Variants in NTN4 observed in about 807,000 individuals in gnomAD.
NTN4 encodes the protein netrin-4.
In NTN4, 32 loss-of-function variants were observed where a neutral mutation model predicts 73.6. The observed-to-expected ratio is 0.44, with a 90% CI of 0.33 to 0.58. NTN4 has a LOEUF of 0.58. Ranked by LOEUF, NTN4 falls within the 20% of genes least tolerant of loss-of-function variation. NTN4 has a pLI of 0.04. For missense variants in NTN4, 654 were observed against 798.3 expected, an observed-to-expected ratio of 0.82 and a Z score of 2.18; for synonymous variants, 258 against 287.5, an observed-to-expected ratio of 0.90 and a Z score of 1.04.
rs138219514 is a variant in NTN4 at position 95,789,277 on chromosome 12, G to T, written c.55+978C>A. Among the ~76,000 whole-genome samples the T allele has an allele frequency of 1.3e-5, 2 of 152,174 alleles. No homozygotes were observed. Among genetic ancestry groups the T allele is most frequent in the Non-Finnish European group, 1.5e-5 (1 of 68,020 alleles). ...CTCAGGGAAGAGTGGAAGCCCAAGGGAGGAGATGCGTGCTACAATGTTCTG... is the reference window on the plus strand; with the variant it reads ...CTCAGGGAAGAGTGGAAGCCCAAGGTAGGAGATGCGTGCTACAATGTTCTG... On this transcript the variant is annotated intron_variant, in intron 1 of 9. Coordinates refer to ENST00000343702, the MANE Select transcript of NTN4 (RefSeq NM_021229.4). This position sits in a 1 kb window ranked among gnomAD's most constrained non-coding sequence, Gnocchi z 4.0.
Position 95,787,580 on chromosome 12 carries a change from C to T in NTN4, c.56-112G>A, listed in dbSNP as rs529049392. ...TCTCCCCAAAAGCGCTTGAGACTTT[C>T]GATAAATGGCAAATTCTACCATGCT... On this transcript the variant is annotated intron_variant, in intron 1 of 9. Transcript: ENST00000343702. 76 of 956,212 alleles carry T rather than the reference C, an allele frequency of 7.9e-5. No individual in the cohort carries two copies. The East Asian group carries it at 1.7e-3, about 22-fold the overall frequency. 59.2% of individuals were successfully genotyped at this position (956,212 alleles called of 1,614,324 possible).
intron 2 of NTN4, among the ~76,000 whole-genome samples, chr12:95,773,137 G>A (rs536240763): frequency 3.2e-4 from 49 of 152,144 alleles, no homozygotes; most frequent in Middle Eastern, 3.4e-3. Context: ...CCGAGTAGCT[G>A]GAATTTCAGG....
chr12:95,759,166 G>A (rs963945369), intron 2 of NTN4, among the ~76,000 whole-genome samples: 15 of 152,172 alleles, frequency 9.9e-5, no homozygotes, highest in Non-Finnish European at 1.3e-4. Context: ...TGTTTGATGT[G>A]CTTTTCTTTA....
At chr12:95,689,562 A>G (rs991777131) in intron 5 of NTN4, among the ~76,000 whole-genome samples, 1 of 152,138 alleles carries the variant, frequency 6.6e-6, no homozygotes, top group Non-Finnish European at 1.5e-5. Context: ...ATTTGGGGGG[A>G]TTAGCGTGCT....
chr12:95,779,825 C>T (rs1202625539), intron 2 of NTN4, among the ~76,000 whole-genome samples: 1 of 152,112 alleles, frequency 6.6e-6, no homozygotes, highest in Non-Finnish European at 1.5e-5. Flanking sequence ...TCATATGGAA[C>T]CAAAAAAGAG....
chr12:95,690,134 A>G (rs1050880925), intron 5 of NTN4, among the ~76,000 whole-genome samples: 2 of 152,236 alleles, frequency 1.3e-5, no homozygotes, highest in Non-Finnish European at 2.9e-5. Context: ...TGACCCTTGA[A>G]CTGAATTAAA....
chr12:95,739,428 A>C (rs2078806557), intron 2 of NTN4, among the ~76,000 whole-genome samples: 1 of 152,252 alleles, frequency 6.6e-6, no homozygotes, highest in Non-Finnish European at 1.5e-5. Context: ...AAGGAAGCTT[A>C]TCAGAAAATA....
At chr12:95,763,988 G>C (rs1328952985) in intron 2 of NTN4, among the ~76,000 whole-genome samples, 1 of 152,212 alleles carries the variant, frequency 6.6e-6, no homozygotes, top group Non-Finnish European at 1.5e-5. Flanking sequence ...GAAAGGGGAG[G>C]AAAGAGTCAC....
At position 95,665,826 on chromosome 12, in the gene NTN4, A is replaced by G. The variant is rs754595055; in HGVS notation, c.1734T>C (p.Cys578=). The G allele has an allele frequency of 5.0e-6, 8 of 1,613,566 alleles. No individual in the cohort carries two copies. In the Admixed American group the frequency reaches 1.3e-4, roughly 27 times the overall value. Residue 578 remains cysteine, a synonymous_variant, in exon 9 of 10, where the codon TGT becomes TGC. Transcript: ENST00000343702. ...PESWTDRGCT[C]PILNPGLEYL... ...AATACTCACCAGGATTGAGGATTGG[A>G]CAAGTGCATCCTCTGTCCGTCCATG...
intron 5 of NTN4, among the ~76,000 whole-genome samples, chr12:95,707,477 C>G (rs1565891268): frequency 6.6e-6 from 1 of 152,154 alleles, no homozygotes; most frequent in South Asian, 2.1e-4. Context: ...TGGGGACTAC[C>G]CTCATCATCC....
chr12:95,718,110 T>C (rs1053434557), intron 3 of NTN4, among the ~76,000 whole-genome samples: 1 of 152,258 alleles, frequency 6.6e-6, no homozygotes, highest in Non-Finnish European at 1.5e-5. Context: ...AGCTGTTTAC[T>C]TTGGTGATAA....
At chr12:95,753,483 A>G (rs1417159846) in intron 2 of NTN4, among the ~76,000 whole-genome samples, 8 of 141,906 alleles carry the variant, frequency 5.6e-5, no homozygotes, top group Non-Finnish European at 7.8e-5. Context: ...ACAGGGTCTG[A>G]GAAGGCCACC....
chr12:95,691,796 A>C (rs1361514979), intron 5 of NTN4, among the ~76,000 whole-genome samples: 1 of 152,078 alleles, frequency 6.6e-6, no homozygotes, highest in African/African-American at 2.4e-5. Flanking sequence ...AGCTGTGGTG[A>C]ACTGTCCTTA....
rs1416916500 is a variant in NTN4 at position 95,729,630 on chromosome 12, AGAGTGTGTGT to A, written c.864+8226_864+8235del. On this transcript the variant is annotated intron_variant, in intron 3 of 9. Coordinates refer to ENST00000343702, the MANE Select transcript of NTN4 (RefSeq NM_021229.4). ...TTATTATAAAGAGAGAGAGAGAGAG[AGAGTGTGTGT>A]GTGTGTGTGTGTGTGTGTGTGTGTG... Among the ~76,000 whole-genome samples, 255 of 91,744 alleles carry A rather than the reference AGAGTGTGTGT, an allele frequency of 2.8e-3. 2 individuals are homozygous for A. The highest frequency in any genetic ancestry group is 1.0e-2 in the African/African-American group (237 of 23,734). 60.2% of individuals were successfully genotyped at this position (91,744 alleles called of 152,430 possible). A position where few individuals can be genotyped will look rare whatever the true frequency, so the allele number is the denominator to read the frequency against.
Position 95,683,533 on chromosome 12 carries a change from C to T in NTN4, c.1359G>A (p.Gly453=). ...DYGCRPCDCA[G]SCDPITGDCI... Reference sequence around the variant, plus strand: ...AGTCTCCGGTGATAGGGTCACAGCTCCCCGCACAGTCACATGGTCGACAGC... The same window carrying T: ...AGTCTCCGGTGATAGGGTCACAGCTTCCCGCACAGTCACATGGTCGACAGC... Residue 453 remains glycine (G), a synonymous_variant, in exon 6 of 10, where the codon GGG becomes GGA. Transcript: ENST00000343702. 1 of 1,614,186 alleles carries T rather than the reference C, an allele frequency of 6.2e-7. No homozygotes were observed. Among genetic ancestry groups the T allele is most frequent in the Non-Finnish European group, 8.5e-7 (1 of 1,180,040 alleles).
Position 95,671,695 on chromosome 12 carries a change from C to T in NTN4, c.1511-1549G>A, listed in dbSNP as rs1337473984. On this transcript the variant is annotated intron_variant, in intron 7 of 9. Transcript: ENST00000343702. Reference sequence around the variant, plus strand: ...CTGGTGCCCAAAAGGTTGGGGACCACAGATATATAGCATTCTCATACTCAT... The same window carrying T: ...CTGGTGCCCAAAAGGTTGGGGACCATAGATATATAGCATTCTCATACTCAT... 2.0e-5 allele frequency among the ~76,000 whole-genome samples: 3 copies of T among 152,194 alleles called. No homozygotes were observed. In the East Asian group the frequency reaches 5.8e-4, roughly 29 times the overall value.
chr12:95,741,334 A>G (rs1320398172), intron 2 of NTN4, among the ~76,000 whole-genome samples: 1 of 145,634 alleles, frequency 6.9e-6, no homozygotes, highest in African/African-American at 2.5e-5. Flanking sequence ...TTTATTATAT[A>G]TTAAATACAA....
intron 2 of NTN4, among the ~76,000 whole-genome samples, chr12:95,754,723 T>C (rs1408343967): frequency 1.3e-5 from 2 of 152,104 alleles, no homozygotes; most frequent in African/African-American, 2.4e-5. Context: ...CAACCCCCTT[T>C]GACTGTAATT....
chr12:95,659,654 C>T (rs1185363499), intron 9 of NTN4, among the ~76,000 whole-genome samples: 1 of 152,172 alleles, frequency 6.6e-6, no homozygotes, highest in East Asian at 1.9e-4. Flanking sequence ...ACATTAATAG[C>T]TGCCATTTAG....
Sources: gnomAD v4.1 joint callset for allele counts (sites outside exome capture counted in the v4.1 genomes callset) on GRCh38, gnomAD v4.1.1 for gene constraint, Gnocchi (gnomAD v3.1) non-coding constraint, MANE v1.5 for transcripts, NCBI Gene and HGNC (gene_info 2026-07-23, HGNC 2026-07-21) for gene names.